CBFB: variants seen among roughly 807,000 people sequenced by gnomAD.
The protein encoded by CBFB is CBF-beta.
CBFB carries 9 observed loss-of-function variants against 30.4 expected under a neutral mutation model. That is an observed-to-expected ratio of 0.30 (90% CI 0.18 to 0.52). The LOEUF (loss-of-function observed/expected upper bound fraction) is 0.52. Ranked by LOEUF, CBFB falls within the 20% of genes least tolerant of loss-of-function variation. The pLI is 0.97. For missense variants in CBFB, 170 were observed against 244.0 expected, an observed-to-expected ratio of 0.70 and a Z score of 2.02; for synonymous variants, 94 against 84.0, an observed-to-expected ratio of 1.12 and a Z score of -0.65.
intron 4 of CBFB, among the ~76,000 whole-genome samples, chr16:67,073,352 T>C (rs1450923319): frequency 6.6e-6 from 1 of 152,244 alleles, no homozygotes; most frequent in African/African-American, 2.4e-5. Flanking sequence ...TCTCTATTTA[T>C]GATTCTTCTG....
chr16:67,089,003 G>A (rs1345933274), intron 5 of CBFB, among the ~76,000 whole-genome samples: 3 of 152,160 alleles, frequency 2.0e-5, no homozygotes, highest in Non-Finnish European at 2.9e-5. Context: ...ATTTCACCAT[G>A]TGTAAAATTT....
chr16:67,096,786 A>G (rs1396110519), intron 5 of CBFB, among the ~76,000 whole-genome samples: 1 of 151,384 alleles, frequency 6.6e-6, no homozygotes, highest in East Asian at 2.0e-4. Flanking sequence ...CATCCTGGCT[A>G]ACACAAAGAA....
intron 3 of CBFB, among the ~76,000 whole-genome samples, chr16:67,060,184 G>T (rs1960861530): frequency 6.6e-6 from 1 of 151,992 alleles, no homozygotes; most frequent in Admixed American, 6.6e-5. Flanking sequence ...TCACTATGTT[G>T]CCCTGGCTGG....
intron 3 of CBFB, among the ~76,000 whole-genome samples, chr16:67,046,273 A>AT (rs1054783480): frequency 3.3e-5 from 5 of 149,350 alleles, no homozygotes; most frequent in African/African-American, 1.2e-4. Context: ...TGCCCAGGTA[A>AT]TTTTTTTGTA....
In CBFB at chr16:67,100,545, C is replaced by CG; in HGVS notation, c.*1767_*1768insG. 1 of 227,816 alleles carries CG rather than the reference C, an allele frequency of 4.4e-6. No individual in the cohort carries two copies. Among genetic ancestry groups the CG allele is most frequent in the Non-Finnish European group, 8.7e-6 (1 of 114,372 alleles). 14.1% of individuals were successfully genotyped at this position (227,816 alleles called of 1,614,324 possible). A position where few individuals can be genotyped will look rare whatever the true frequency, so the allele number is the denominator to read the frequency against. On this transcript the variant is annotated 3_prime_UTR_variant, in exon 6 of 6. Transcript: ENST00000412916. Reference sequence around the variant, plus strand: ...GTTTACACACTCAGTGCCCTAATTTCCCCTGAGGGAATCGCTTTTTAAGTG... The same window carrying CG: ...GTTTACACACTCAGTGCCCTAATTTCGCCCTGAGGGAATCGCTTTTTAAGTG...
chr16:67,086,505 C>G (rs1164587894), intron 5 of CBFB, among the ~76,000 whole-genome samples: 1 of 152,182 alleles, frequency 6.6e-6, no homozygotes, highest in Non-Finnish European at 1.5e-5. Flanking sequence ...ATTTTTGTGT[C>G]TTCCACATTA....
At chr16:67,042,535 C>T (rs150186918) in intron 3 of CBFB, among the ~76,000 whole-genome samples, 49 of 152,274 alleles carry the variant, frequency 3.2e-4, no homozygotes, top group African/African-American at 1.1e-3. Context: ...TCCTTGTGCC[C>T]CTTTGCAGGA....
chr16:67,049,585 C>G (rs1255852121), intron 3 of CBFB, among the ~76,000 whole-genome samples: 1 of 152,182 alleles, frequency 6.6e-6, no homozygotes, highest in Non-Finnish European at 1.5e-5. Context: ...GCTTCAACCT[C>G]CCAGGCTCAA....
chr16:67,084,851 C>T (rs1172973898), intron 5 of CBFB, among the ~76,000 whole-genome samples: 1 of 151,966 alleles, frequency 6.6e-6, no homozygotes, highest in Admixed American at 6.6e-5. Flanking sequence ...CTGGCTCTGT[C>T]ATTTACTTTG....
chr16:67,042,883 A>G (rs752411629), intron 3 of CBFB, among the ~76,000 whole-genome samples: 5 of 152,058 alleles, frequency 3.3e-5, no homozygotes, highest in African/African-American at 4.8e-5. Context: ...TTACAGGCAC[A>G]TGCCACCACA....
intron 3 of CBFB, among the ~76,000 whole-genome samples, chr16:67,060,543 T>TTTTTTG (rs1191986645): frequency 1.3e-5 from 2 of 151,252 alleles, no homozygotes; most frequent in Non-Finnish European, 3.0e-5. Context: ...TTCTGGGGGG[T>TTTTTTG]TTTTTGTTTT....
At chr16:67,090,690 T>G (rs1203502144) in intron 5 of CBFB, among the ~76,000 whole-genome samples, 1 of 152,210 alleles carries the variant, frequency 6.6e-6, no homozygotes, top group Non-Finnish European at 1.5e-5. Context: ...ATTTTCTCTA[T>G]TATCTTAAAA....
rs531779424 is a variant in CBFB, at chr16:67,084,788, GGTGCA to G, written c.495+2482_495+2486del. ...ACGTGTGTGTGTGTGTGCGTGCATG[GGTGCA>G]GACAGTGGCTAAGAGCCCAGACTCT... On this transcript the variant is annotated intron_variant, in intron 5 of 5. Transcript: ENST00000412916. Among the ~76,000 whole-genome samples, 8 of 149,672 alleles carry G rather than the reference GGTGCA, an allele frequency of 5.3e-5. No individual in the cohort carries two copies. In the South Asian group the frequency reaches 1.5e-3, roughly 28 times the overall value.
intron 3 of CBFB, among the ~76,000 whole-genome samples, chr16:67,053,673 C>G (rs545585806): frequency 1.3e-5 from 2 of 151,848 alleles, no homozygotes; most frequent in African/African-American, 4.8e-5. Flanking sequence ...CTTGTGAGCA[C>G]AGTCATGAGT....
chr16:67,047,497 G>A (rs535626749), intron 3 of CBFB, among the ~76,000 whole-genome samples: 1 of 152,276 alleles, frequency 6.6e-6, no homozygotes, highest in African/African-American at 2.4e-5. Flanking sequence ...TAAAACAAAA[G>A]GATGGCCTAG....
rs576614883 is a variant in CBFB, at chr16:67,083,205, T to C, written c.495+897T>C. Among the ~76,000 whole-genome samples, 441 of 152,082 alleles carry C rather than the reference T, an allele frequency of 2.9e-3. 4 individuals are homozygous for C. The highest frequency in any genetic ancestry group is 0.01 in the African/African-American group (430 of 41,496). ...AGGAAATAAATAAATAATACATAAATAAACCTTTGACAGCTACCCCAGCAG... is the reference window on the plus strand; with the variant it reads ...AGGAAATAAATAAATAATACATAAACAAACCTTTGACAGCTACCCCAGCAG... On this transcript the variant is annotated intron_variant, in intron 5 of 5. Transcript: ENST00000412916.
intron 5 of CBFB, among the ~76,000 whole-genome samples, chr16:67,092,681 G>A (rs1446580962): frequency 3.0e-5 from 4 of 133,500 alleles, no homozygotes; most frequent in Admixed American, 7.6e-5. Context: ...ACCCAGGCTA[G>A]GTTACAGTGG....
intron 3 of CBFB, among the ~76,000 whole-genome samples, chr16:67,061,114 T>C (rs1001720987): frequency 1.3e-5 from 2 of 152,240 alleles, no homozygotes; most frequent in African/African-American, 4.8e-5. Flanking sequence ...TTAAATTGAA[T>C]ATAACATCAC....
intron 3 of CBFB, among the ~76,000 whole-genome samples, chr16:67,039,649 A>G (rs11639620): frequency 0.12 from 16,330 of 139,580 alleles, 1,220 homozygotes; most frequent in Non-Finnish European, 0.16. Context: ...TTTTAATTCT[A>G]TTAGGAAGAG....
Sources: allele counts gnomAD v4.1 joint callset (sites outside exome capture counted in the v4.1 genomes callset), GRCh38; gene constraint gnomAD v4.1.1; transcripts MANE v1.5; gene names NCBI Gene and HGNC (gene_info 2026-07-23, HGNC 2026-07-21).